Variants in TMEM178B observed in about 807,000 individuals in gnomAD.
TMEM178B encodes transmembrane protein 178B.
A neutral mutation model predicts 31.0 loss-of-function variants in TMEM178B; 5 were observed. The ratio of observed to expected loss-of-function variants is 0.16; its 90% CI spans 0.08 to 0.34. The LOEUF (loss-of-function observed/expected upper bound fraction) is 0.34. Ranked by LOEUF, TMEM178B falls within the 10% of genes least tolerant of loss-of-function variation. TMEM178B has a pLI of 1.00. For missense variants in TMEM178B, 275 were observed against 400.3 expected, an observed-to-expected ratio of 0.69 and a Z score of 2.67; for synonymous variants, 164 against 164.0, an observed-to-expected ratio of 1.00 and a Z score of 0.00.
intron 2 of TMEM178B, among the ~76,000 whole-genome samples, chr7:141,378,413 A>G (rs558436444): frequency 8.5e-5 from 13 of 152,198 alleles, no homozygotes; most frequent in South Asian, 2.1e-4. Context: ...TTCAGCCCAT[A>G]TGGTTTTTTT....
rs1796917822 is a variant in TMEM178B, at chr7:141,203,808, G to A, written c.383-8783G>A. On this transcript the variant is annotated intron_variant, in intron 1 of 3. Transcript: ENST00000565468. Reference sequence around the variant, plus strand: ...GCATGAGATAATACGGGAGCCTCTGGCATGTGGTCGGCATTGAATAGATTT... The same window carrying A: ...GCATGAGATAATACGGGAGCCTCTGACATGTGGTCGGCATTGAATAGATTT... 2.0e-5 allele frequency among the ~76,000 whole-genome samples: 3 copies of A among 152,128 alleles called. No homozygotes were observed. The South Asian group carries it at 6.2e-4, about 32-fold the overall frequency.
At chr7:141,421,439 A>T (rs1156328249) in intron 2 of TMEM178B, among the ~76,000 whole-genome samples, 2 of 152,172 alleles carry the variant, frequency 1.3e-5, no homozygotes, top group Non-Finnish European at 2.9e-5. Context: ...CATTTGTGGT[A>T]GCACTTTACA....
chr7:141,316,595 G>A (rs11977019), intron 2 of TMEM178B, among the ~76,000 whole-genome samples: 25,914 of 151,872 alleles, frequency 0.17, 2,548 homozygotes, highest in Middle Eastern at 0.23. Flanking sequence ...ACACATACAC[G>A]AATACAACAC....
chr7:141,168,995 A>G (rs1796304171), intron 1 of TMEM178B, among the ~76,000 whole-genome samples: 1 of 152,192 alleles, frequency 6.6e-6, no homozygotes, highest in Non-Finnish European at 1.5e-5. Context: ...TTCCAAATCC[A>G]TTCCTCTGAT....
chr7:141,339,522 A>G (rs1315110297), intron 2 of TMEM178B, among the ~76,000 whole-genome samples: 3 of 152,236 alleles, frequency 2.0e-5, no homozygotes, highest in South Asian at 2.1e-4. Context: ...AGATCTGCTA[A>G]AAGGGATGAA....
At chr7:141,364,879 C>A (rs1032497795) in intron 2 of TMEM178B, among the ~76,000 whole-genome samples, 3 of 151,168 alleles carry the variant, frequency 2.0e-5, no homozygotes, top group African/African-American at 7.3e-5. Context: ...TCAGCTTTGA[C>A]TCATGATGCT....
intron 2 of TMEM178B, among the ~76,000 whole-genome samples, chr7:141,260,759 G>A (rs1798000799): frequency 6.6e-6 from 1 of 152,080 alleles, no homozygotes; most frequent in Non-Finnish European, 1.5e-5. Context: ...AATAAATCTA[G>A]ATACAGAGTA....
At chr7:141,268,470 G>A (rs963619106) in intron 2 of TMEM178B, among the ~76,000 whole-genome samples, 6 of 152,198 alleles carry the variant, frequency 3.9e-5, no homozygotes, top group Non-Finnish European at 7.3e-5. Flanking sequence ...AATTCATCTT[G>A]TTGATGCTGT....
rs1337836837 is a variant in TMEM178B at position 141,386,106 on chromosome 7, G to T, written c.497-51502G>T. 5.9e-5 allele frequency among the ~76,000 whole-genome samples: 9 copies of T among 152,186 alleles called. No individual in the cohort carries two copies. In the East Asian group the frequency reaches 1.7e-3, roughly 29 times the overall value. On this transcript the variant is annotated intron_variant, in intron 2 of 3. Coordinates refer to ENST00000565468, the MANE Select transcript of TMEM178B (RefSeq NM_001195278.2). ...AAATCTTGGGCCTTATGAGCAGGTG[G>T]CCTCTAAAAAACAGAGATTTTGAGG... is the stretch of plus-strand genomic sequence containing the variant.
At chr7:141,320,415 G>A (rs953559229) in intron 2 of TMEM178B, among the ~76,000 whole-genome samples, 1 of 152,082 alleles carries the variant, frequency 6.6e-6, no homozygotes, top group Non-Finnish European at 1.5e-5. Context: ...GAAAAGTTGA[G>A]CCAACACCTG....
At position 141,473,740 on chromosome 7, in the gene TMEM178B, T is replaced by C. The variant is rs987134223; in HGVS notation, c.*2954T>C. 3 of 152,214 alleles carry C rather than the reference T, an allele frequency of 2.0e-5. No homozygotes were observed. The highest frequency in any genetic ancestry group is 7.2e-5 in the African/African-American group (3 of 41,442). 9.4% of individuals were successfully genotyped at this position (152,214 alleles called of 1,614,324 possible). The stretch of plus-strand genomic sequence containing the variant: ...AGATAAATACGAACACACTTTGGGA[T>C]CTGATCCTGCTGGGAAGCAAAAGAC... On this transcript the variant is annotated 3_prime_UTR_variant, in exon 4 of 4. Coordinates refer to ENST00000565468, the MANE Select transcript of TMEM178B (RefSeq NM_001195278.2).
Position 141,074,348 on chromosome 7 carries a change from C to T in TMEM178B, c.38C>T (p.Ser13Leu), listed in dbSNP as rs1457595030. ...AGRLLLYTGL[S>L]LALCALGMLA... ...AGGTTACTGCTCTACACTGGCCTCT[C>T]GCTAGCGCTCTGCGCCCTCGGCATG... The change falls in exon 1 of 4, where the codon TCG (serine) becomes TTG (leucine). Residue 13 changes from serine to leucine, a missense_variant. Coordinates refer to ENST00000565468, the MANE Select transcript of TMEM178B (RefSeq NM_001195278.2). This position sits in a 1 kb window ranked among gnomAD's most constrained non-coding sequence, Gnocchi z 5.1. 1.3e-6 allele frequency: 2 copies of T among 1,535,996 alleles called. No homozygotes were observed. The highest frequency in any genetic ancestry group is 2.4e-5 in the South Asian group (2 of 84,048).
Position 141,440,453 on chromosome 7 carries a change from G to A in TMEM178B, c.634+2708G>A, listed in dbSNP as rs567639168. ...ACTAGTGGAAGAGATGAACTTTCCA[G>A]TTCTTTCTAGCGCTAATATTTTATG... On this transcript the variant is annotated intron_variant, in intron 3 of 3. Coordinates refer to ENST00000565468, the MANE Select transcript of TMEM178B (RefSeq NM_001195278.2). Among the ~76,000 whole-genome samples, 11 of 152,132 alleles carry A rather than the reference G, an allele frequency of 7.2e-5. No individual in the cohort carries two copies. In the South Asian group the frequency reaches 1.5e-3, roughly 20 times the overall value.
intron 1 of TMEM178B, among the ~76,000 whole-genome samples, chr7:141,169,795 A>G (rs1280613845): frequency 6.6e-6 from 1 of 152,224 alleles, no homozygotes; most frequent in Admixed American, 6.5e-5. Flanking sequence ...TCAGACTTTT[A>G]TATTATATGC....
At chr7:141,448,940 G>A (rs187489300) in intron 3 of TMEM178B, among the ~76,000 whole-genome samples, 158 of 152,254 alleles carry the variant, frequency 1.0e-3, no homozygotes, top group Middle Eastern at 6.8e-3. Flanking sequence ...AACAGGAGGA[G>A]GGAAGAGGGG....
intron 2 of TMEM178B, among the ~76,000 whole-genome samples, chr7:141,321,479 G>C (rs910037174): frequency 6.6e-6 from 1 of 152,160 alleles, no homozygotes; most frequent in African/African-American, 2.4e-5. Context: ...AGCCACAGCC[G>C]AGTAAGAGAG....
chr7:141,437,486 G>A (rs1381502247), intron 2 of TMEM178B, 122 bp from the exon 3 acceptor site: 2 of 1,293,268 alleles, frequency 1.5e-6, no homozygotes, highest in Admixed American at 2.3e-5. Context: ...TCTGAGAAGG[G>A]CAGGTTGCCT....
chr7:141,487,605 G>A, the TMEM178B span, among the ~76,000 whole-genome samples: 1 of 151,810 alleles, frequency 6.6e-6, no homozygotes, highest in Non-Finnish European at 1.5e-5. Flanking sequence ...GCCTGGTGTG[G>A]GGGCGCATGT....
At chr7:141,360,049 G>C (rs1799891651) in intron 2 of TMEM178B, among the ~76,000 whole-genome samples, 1 of 152,130 alleles carries the variant, frequency 6.6e-6, no homozygotes, top group African/African-American at 2.4e-5. Flanking sequence ...CAACACATGG[G>C]AATTATGGGA....
Sources: allele counts gnomAD v4.1 joint callset (sites outside exome capture counted in the v4.1 genomes callset), GRCh38; gene constraint gnomAD v4.1.1; non-coding constraint Gnocchi (gnomAD v3.1); transcripts MANE v1.5; gene names NCBI Gene and HGNC (gene_info 2026-07-23, HGNC 2026-07-21).